Variants in ZNF675 observed in about 807,000 individuals in gnomAD.
The protein encoded by ZNF675 is zinc finger protein 675, also known as TRAF6 inhibitory zinc finger.
ZNF675 carries 36 observed loss-of-function variants against 56.1 expected under a neutral mutation model. That is an observed-to-expected ratio of 0.64 (90% CI 0.49 to 0.85). ZNF675 has a LOEUF of 0.85. Among genes scored for constraint, ZNF675 ranks in the 40% least tolerant of loss-of-function variants. ZNF675 has a pLI of 0.00. For missense variants in ZNF675, 663 were observed against 654.2 expected, an observed-to-expected ratio of 1.01 and a Z score of -0.15; for synonymous variants, 200 against 218.9, an observed-to-expected ratio of 0.91 and a Z score of 0.76.
At chr19:23,659,344 T>C (rs1360227329) in intron 3 of ZNF675, among the ~76,000 whole-genome samples, 1 of 152,114 alleles carries the variant, frequency 6.6e-6, no homozygotes, top group Non-Finnish European at 1.5e-5. Flanking sequence ...GATGGGAGAA[T>C]AAAAGGTGCC....
intron 1 of ZNF675, among the ~76,000 whole-genome samples, chr19:23,677,865 A>T (rs1968320000): frequency 6.6e-6 from 1 of 151,708 alleles, no homozygotes; most frequent in Non-Finnish European, 1.5e-5. Context: ...CACGCCTGTA[A>T]TCCCAGCACT....
rs201946073 is a variant in ZNF675, at chr19:23,654,456, T to A, written c.477A>T (p.Ser159=). The A allele has an allele frequency of 1.5e-5, 24 of 1,602,606 alleles. No individual in the cohort carries two copies. In the East Asian group the frequency reaches 4.9e-4, roughly 33 times the overall value. ...YVKVFNKFSH[S]DRHKIKHMEN... ...CCATATGTTTTATCTTATGTCTATCTGAATGTGAAAATTTATTAAAGACTT... is the reference window on the plus strand; with the variant it reads ...CCATATGTTTTATCTTATGTCTATCAGAATGTGAAAATTTATTAAAGACTT... Residue 159 remains serine (S), a synonymous_variant, in exon 4 of 4, where the codon TCA becomes TCT. Coordinates refer to ENST00000359788, the MANE Select transcript of ZNF675 (RefSeq NM_138330.3).
At position 23,653,586 on chromosome 19, in the gene ZNF675, C is replaced by CT. The variant is rs1323609614; in HGVS notation, c.1346dup (p.Lys450GlufsTer6). 1.2e-6 allele frequency: 2 copies of CT among 1,612,516 alleles called. No homozygotes were observed. Among genetic ancestry groups the CT allele is most frequent in the African/African-American group, 2.7e-5 (2 of 74,824 alleles). On this transcript the variant is annotated frameshift_variant, in exon 4 of 4. Coordinates refer to ENST00000359788, the MANE Select transcript of ZNF675 (RefSeq NM_138330.3). LOFTEE classifies it high-confidence loss of function. ...CACATTCTTCACATTTGTAGGGTTTCTTTCCAGTATGAAGTTTCTTATGTT... is the reference window on the plus strand; with the variant it reads ...CACATTCTTCACATTTGTAGGGTTTCTTTTCCAGTATGAAGTTTCTTATGTT...
At chr19:23,658,191 T>C (rs1968013376) in intron 3 of ZNF675, among the ~76,000 whole-genome samples, 1 of 151,760 alleles carries the variant, frequency 6.6e-6, no homozygotes, top group South Asian at 2.1e-4. Context: ...AAACCCTGTC[T>C]CTACTAAAAA....
intron 1 of ZNF675, among the ~76,000 whole-genome samples, chr19:23,679,476 A>G (rs948585050): frequency 3.3e-5 from 5 of 151,704 alleles, no homozygotes; most frequent in South Asian, 2.1e-4. Flanking sequence ...CACAGGAACC[A>G]GCAAATTTTA....
Position 23,653,076 on chromosome 19 carries a change from T to G in ZNF675, c.*150A>C, listed in dbSNP as rs964694112. 20 of 753,748 alleles carry G rather than the reference T, an allele frequency of 2.7e-5. No homozygotes were observed. Among genetic ancestry groups the G allele is most frequent in the Non-Finnish European group, 3.9e-5 (19 of 489,850 alleles). 46.7% of individuals were successfully genotyped at this position (753,748 alleles called of 1,614,324 possible). A position where few individuals can be genotyped will look rare whatever the true frequency, so the allele number is the denominator to read the frequency against. On this transcript the variant is annotated 3_prime_UTR_variant, in exon 4 of 4. Transcript: ENST00000359788. ...AACAGTATTGCCAAATTCTTCACAC[T>G]TGTAGTTTTCTCCAGTATGAATTAT...
chr19:23,654,853 G>A (rs1235846195), intron 3 of ZNF675, 147 bp from the exon 4 acceptor site: 34 of 493,772 alleles, frequency 6.9e-5, no homozygotes, highest in African/African-American at 1.2e-4. Context: ...TGAGCACAAT[G>A]CAAAGAGCCA....
At chr19:23,659,307 A>T (rs755327095) in intron 3 of ZNF675, among the ~76,000 whole-genome samples, 19 of 152,140 alleles carry the variant, frequency 1.2e-4, no homozygotes, top group South Asian at 4.1e-4. Context: ...GGAGAATAAA[A>T]ATGTATAGCA....
intron 1 of ZNF675, among the ~76,000 whole-genome samples, chr19:23,679,012 A>G (rs1429997953): frequency 6.6e-6 from 1 of 151,298 alleles, no homozygotes; most frequent in Non-Finnish European, 1.5e-5. Flanking sequence ...TAAAAAATAC[A>G]AAAAATTAGC....
chr19:23,655,445 G>C (rs1310078922), intron 3 of ZNF675: 1 of 151,842 alleles, frequency 6.6e-6, no homozygotes, highest in African/African-American at 2.4e-5. Context: ...ACATCACATG[G>C]TAAGATACAA....
intron 1 of ZNF675, among the ~76,000 whole-genome samples, chr19:23,686,748 C>G (rs752778815): frequency 1.3e-5 from 2 of 152,220 alleles, no homozygotes; most frequent in African/African-American, 4.8e-5. Flanking sequence ...GTGGTCCCTG[C>G]ACAATCTGAG....
intron 1 of ZNF675, among the ~76,000 whole-genome samples, chr19:23,672,470 G>T (rs1968239337): frequency 6.6e-6 from 1 of 152,120 alleles, no homozygotes; most frequent in African/African-American, 2.4e-5. Context: ...CCTCAAAAAG[G>T]GGTTTTAATA....
intron 1 of ZNF675, among the ~76,000 whole-genome samples, chr19:23,678,227 GAT>G (rs1262152724): frequency 6.6e-6 from 1 of 150,980 alleles, no homozygotes; most frequent in Non-Finnish European, 1.5e-5. Context: ...GAAATTTACA[GAT>G]ATGTTATTTC....
chr19:23,681,464 C>T (rs1211275941), intron 1 of ZNF675, among the ~76,000 whole-genome samples: 2 of 151,646 alleles, frequency 1.3e-5, no homozygotes, highest in Non-Finnish European at 2.9e-5. Flanking sequence ...CACAGGACAA[C>T]GAGCTTGTGT....
At chr19:23,685,498 A>T (rs1273418417) in intron 1 of ZNF675, among the ~76,000 whole-genome samples, 1 of 152,252 alleles carries the variant, frequency 6.6e-6, no homozygotes, top group Non-Finnish European at 1.5e-5. Context: ...CTGAGGCCAC[A>T]TCACCCATAA....
At position 23,652,996 on chromosome 19, in the gene ZNF675, A is replaced by G. The variant is rs368942724; in HGVS notation, c.*230T>C. 1 of 408,196 alleles carries G rather than the reference A, an allele frequency of 2.4e-6. No homozygotes were observed. Among genetic ancestry groups the G allele is most frequent in the South Asian group, 5.3e-5 (1 of 18,920 alleles). The allele number at this position is 408,196 out of a possible 1,614,324, so 25.3% of individuals were successfully genotyped here. A position where few individuals can be genotyped will look rare whatever the true frequency, so the allele number is the denominator to read the frequency against. On this transcript the variant is annotated 3_prime_UTR_variant, in exon 4 of 4. Transcript: ENST00000359788. Reference sequence around the variant, plus strand: ...GCTATTTTACACTCTTTATATTTGTACAATTTTTCTTAAGTATAAACGCTT... The same window carrying G: ...GCTATTTTACACTCTTTATATTTGTGCAATTTTTCTTAAGTATAAACGCTT...
Position 23,660,926 on chromosome 19 carries a change from A to T in ZNF675, c.226+1188T>A, listed in dbSNP as rs143004190. ...AAAGTAGAAGAATATCATACTTTGT[A>T]ATTTTCTTTTTTTTTTTTTTTTGAG... On this transcript the variant is annotated intron_variant, in intron 3 of 3. Coordinates refer to ENST00000359788, the MANE Select transcript of ZNF675 (RefSeq NM_138330.3). 9.5e-3 allele frequency among the ~76,000 whole-genome samples: 1,071 copies of T among 112,952 alleles called. 11 individuals are homozygous for T. The highest frequency in any genetic ancestry group is 0.032 in the African/African-American group (1,014 of 31,366). 74.1% of individuals were successfully genotyped at this position (112,952 alleles called of 152,430 possible).
At chr19:23,686,954 A>T in intron 1 of ZNF675, 77 bp downstream of exon 1, 1 of 1,570,244 alleles carries the variant, frequency 6.4e-7, no homozygotes, top group Non-Finnish European at 8.8e-7. Flanking sequence ...GGGAGGCCTG[A>T]GTCCCGCCAT....
chr19:23,654,740 G>T, intron 3 of ZNF675, 34 bp from the exon 4 acceptor site: 1 of 1,465,898 alleles, frequency 6.8e-7, no homozygotes, highest in South Asian at 1.6e-5. Flanking sequence ...TTACTTTACA[G>T]ACTCAGATAA....
Sources: gnomAD v4.1 joint callset for allele counts (sites outside exome capture counted in the v4.1 genomes callset) on GRCh38, gnomAD v4.1.1 for gene constraint, MANE v1.5 for transcripts, NCBI Gene and HGNC (gene_info 2026-07-23, HGNC 2026-07-21) for gene names.